The following CACNB2 variants were observed in gnomAD, a reference collection of about 807,000 sequenced individuals.
CACNB2 encodes calcium voltage-gated channel auxiliary subunit beta 2.
CACNB2 carries 42 observed loss-of-function variants against 73.3 expected under a neutral mutation model. The ratio of observed to expected loss-of-function variants is 0.57; its 90% CI spans 0.45 to 0.74. The LOEUF is 0.74. Ranked by LOEUF, CACNB2 falls within the 30% of genes least tolerant of loss-of-function variation. The pLI is 0.00. For synonymous variants in CACNB2, 348 were observed against 310.3 expected (o/e 1.12, Z -1.28); for missense variants, 940 against 853.0 (o/e 1.10, Z -1.27).
intron 3 of CACNB2, among the ~76,000 whole-genome samples, chr10:18,418,684 T>C (rs2045142305): frequency 6.6e-6 from 1 of 152,212 alleles, no homozygotes; most frequent in African/African-American, 2.4e-5. Context: ...GCTATTTCTG[T>C]ACCTCACTGC....
Position 18,319,760 on chromosome 10 carries a change from C to T in CACNB2, c.214-82164C>T, listed in dbSNP as rs57212640. ...ATTAAGGGGAAGTGTGAGCGTTTTG[C>T]AGTAGAGTGAAGGACTCTCTAATGA... On this transcript the variant is annotated intron_variant, in intron 2 of 13. Coordinates refer to ENST00000324631, the MANE Select transcript of CACNB2 (RefSeq NM_201596.3). Among the ~76,000 whole-genome samples the T allele has an allele frequency of 8.0e-3, 1,219 of 152,158 alleles. 19 individuals carry two copies. The highest frequency in any genetic ancestry group is 0.028 in the African/African-American group (1,150 of 41,512).
chr10:18,521,555 G>A, intron 9 of CACNB2, among the ~76,000 whole-genome samples: 1 of 152,174 alleles, frequency 6.6e-6, no homozygotes, highest in Non-Finnish European at 1.5e-5. Context: ...GCCTCAGTAA[G>A]TATTTATTGA....
intron 2 of CACNB2, among the ~76,000 whole-genome samples, chr10:18,305,999 C>T (rs563572249): frequency 1.5e-4 from 23 of 152,096 alleles, no homozygotes; most frequent in African/African-American, 5.5e-4. Context: ...GATAAGTTGT[C>T]AAGGAGGTCA....
intron 2 of CACNB2, among the ~76,000 whole-genome samples, chr10:18,300,732 C>G (rs1186626199): frequency 2.0e-5 from 3 of 152,034 alleles, no homozygotes; most frequent in Admixed American, 6.6e-5. Flanking sequence ...ACCTGTAATC[C>G]CAGCTACTCG....
intron 2 of CACNB2, among the ~76,000 whole-genome samples, chr10:18,335,344 G>T (rs994054924): frequency 2.0e-5 from 3 of 152,152 alleles, no homozygotes; most frequent in African/African-American, 7.2e-5. Context: ...GGACGCCAAG[G>T]TGGGCAGATC....
At chr10:18,529,827 A>G (rs2052819977) in intron 10 of CACNB2, among the ~76,000 whole-genome samples, 1 of 152,182 alleles carries the variant, frequency 6.6e-6, no homozygotes, top group African/African-American at 2.4e-5. Context: ...ATCACACTTA[A>G]AACTCTTTCC....
intron 2 of CACNB2, among the ~76,000 whole-genome samples, chr10:18,394,443 G>A (rs2043625567): frequency 6.6e-6 from 1 of 152,160 alleles, no homozygotes; most frequent in Non-Finnish European, 1.5e-5. Flanking sequence ...ATGCATGTAG[G>A]AATTTGTCCT....
chr10:18,317,826 T>C (rs1249990494), intron 2 of CACNB2, among the ~76,000 whole-genome samples: 1 of 152,212 alleles, frequency 6.6e-6, no homozygotes, highest in Non-Finnish European at 1.5e-5. Context: ...TTCCAGCCAT[T>C]GCTCTGGACA....
intron 2 of CACNB2, among the ~76,000 whole-genome samples, chr10:18,307,817 A>G (rs1047233738): frequency 9.2e-5 from 14 of 151,922 alleles, no homozygotes; most frequent in Non-Finnish European, 1.8e-4. Context: ...GTTCAAATCA[A>G]TGATAATGAA....
chr10:18,153,402 G>T (rs1279432432), intron 2 of CACNB2, among the ~76,000 whole-genome samples: 1 of 151,942 alleles, frequency 6.6e-6, no homozygotes, highest in African/African-American at 2.4e-5. Flanking sequence ...TTCTCCTTTG[G>T]TAATTTAATC....
Position 18,483,679 on chromosome 10 carries a change from G to A in CACNB2, c.334-14676G>A, listed in dbSNP as rs577652512. ...CGCAGCTGTTGCAGTGGAGAAGAAA[G>A]TGAAGATTACCGAATTAACATAAAA... is the stretch of plus-strand genomic sequence containing the variant. On this transcript the variant is annotated intron_variant, in intron 3 of 13. Coordinates refer to ENST00000324631, the MANE Select transcript of CACNB2 (RefSeq NM_201596.3). Among the ~76,000 whole-genome samples, 19 of 152,338 alleles carry A rather than the reference G, an allele frequency of 1.2e-4. No individual in the cohort carries two copies. In the South Asian group the frequency reaches 3.9e-3, roughly 32 times the overall value.
intron 2 of CACNB2, among the ~76,000 whole-genome samples, chr10:18,199,068 A>G (rs559516400): frequency 7.2e-5 from 11 of 152,270 alleles, no homozygotes; most frequent in Non-Finnish European, 1.5e-4. Context: ...CATAGGTGCT[A>G]ATAAGTATGT....
rs546381937 is a variant in CACNB2, at chr10:18,538,386, T to C, written c.1488+21T>C. The C allele has an allele frequency of 1.6e-5, 25 of 1,604,052 alleles. No homozygotes were observed. In the South Asian group the frequency reaches 2.3e-4, roughly 15 times the overall value. The stretch of plus-strand genomic sequence containing the variant: ...CACAGGTAAGGGGAGTTTTTATATA[T>C]ATCTATATATACAATCTTCATAGAA... On this transcript the variant is annotated intron_variant, in intron 13 of 13. Transcript: ENST00000324631.
intron 3 of CACNB2, among the ~76,000 whole-genome samples, chr10:18,416,746 C>T (rs2044992371): frequency 1.3e-5 from 2 of 152,122 alleles, no homozygotes; most frequent in African/African-American, 2.4e-5. Context: ...GGAACTATAG[C>T]GTATGTTTCA....
chr10:18,224,630 C>G (rs1167814121), intron 2 of CACNB2, among the ~76,000 whole-genome samples: 2 of 152,138 alleles, frequency 1.3e-5, no homozygotes, highest in African/African-American at 4.8e-5. Context: ...AGAACCTGGG[C>G]CCCCTAGTCT....
chr10:18,378,432 A>G (rs2042888327), intron 2 of CACNB2, among the ~76,000 whole-genome samples: 1 of 152,230 alleles, frequency 6.6e-6, no homozygotes, highest in Admixed American at 6.5e-5. Flanking sequence ...ATGTACGTCA[A>G]TTAATCAGAG....
chr10:18,401,440 A>G (rs565254838), intron 2 of CACNB2, among the ~76,000 whole-genome samples: 4 of 151,566 alleles, frequency 2.6e-5, no homozygotes, highest in African/African-American at 9.6e-5. Flanking sequence ...AAAGGTAAAC[A>G]AGGCTTTTTC....
chr10:18,275,528 A>C (rs1050220125), intron 2 of CACNB2, among the ~76,000 whole-genome samples: 5 of 152,184 alleles, frequency 3.3e-5, no homozygotes, highest in Non-Finnish European at 7.3e-5. Context: ...TGATGGGATG[A>C]TCTTTGAAGC....
At chr10:18,439,625 T>C (rs181107005) in intron 3 of CACNB2, among the ~76,000 whole-genome samples, 73 of 152,378 alleles carry the variant, frequency 4.8e-4, no homozygotes, top group Non-Finnish European at 9.3e-4. Context: ...AATCATGCTC[T>C]AAGTAACCCT....
Sources: allele counts gnomAD v4.1 joint callset (sites outside exome capture counted in the v4.1 genomes callset), GRCh38; gene constraint gnomAD v4.1.1; transcripts MANE v1.5; gene names NCBI Gene and HGNC (gene_info 2026-07-23, HGNC 2026-07-21).